The following UGT1A6 variants were observed in gnomAD, a reference collection of about 807,000 sequenced individuals.
UGT1A6 encodes the protein UDP-glucuronosyltransferase 1A6.
Under a neutral mutation model 44.4 loss-of-function variants are expected in UGT1A6, and 32 were observed. The ratio of observed to expected loss-of-function variants is 0.72; its 90% CI spans 0.54 to 0.97. UGT1A6 has a LOEUF of 0.97. UGT1A6 is among the 50% of genes least tolerant of loss of function. UGT1A6 has a pLI of 0.00. For synonymous variants in UGT1A6, 238 were observed against 248.5 expected, an observed-to-expected ratio of 0.96 and a Z score of 0.40; for missense variants, 685 against 661.9, an observed-to-expected ratio of 1.03 and a Z score of -0.38.
rs192958236 is a variant in UGT1A6 at position 233,736,101 on chromosome 2, G to A, written c.862-30933G>A. On this transcript the variant is annotated intron_variant, in intron 1 of 4. Transcript: ENST00000305139. ...GTTCTCCTGGATAATATCCTGAAGA[G>A]TGTTTTCCAACTTGTTTCCATTCTC... Among the ~76,000 whole-genome samples, 338 of 152,320 alleles carry A rather than the reference G, an allele frequency of 2.2e-3. 1 individual carries two copies. The highest frequency in any genetic ancestry group is 4.2e-3 in the Non-Finnish European group (288 of 68,040).
chr2:233,750,586 G>A (rs1377079508), intron 1 of UGT1A6: 2 of 151,926 alleles, frequency 1.3e-5, no homozygotes, highest in East Asian at 3.9e-4. Flanking sequence ...CAGGCCTGGA[G>A]GCCTAGGAAG....
chr2:233,766,617 A>C lies in UGT1A6; in HGVS notation c.862-417A>C, dbSNP rs34737611. Reference sequence around the variant, plus strand: ...CCAGGGACCACACCCTCTTCTACCCAGCACTTCCCTTCCCTACTTCCATAT... The same window carrying C: ...CCAGGGACCACACCCTCTTCTACCCCGCACTTCCCTTCCCTACTTCCATAT... On this transcript the variant is annotated intron_variant, in intron 1 of 4. Transcript: ENST00000305139. Among the ~76,000 whole-genome samples, 23 of 152,284 alleles carry C rather than the reference A, an allele frequency of 1.5e-4. No individual in the cohort carries two copies. In the East Asian group the frequency reaches 4.3e-3, roughly 28 times the overall value.
rs199688431 is a variant in UGT1A6 at position 233,719,254 on chromosome 2, C to T, written c.861+25389C>T. ...CTGATCAGGCACCTGAATGCTACTTCCTTTGATGTGGTTTTAACAGACCCC... is the reference window on the plus strand; with the variant it reads ...CTGATCAGGCACCTGAATGCTACTTTCTTTGATGTGGTTTTAACAGACCCC... On this transcript the variant is annotated intron_variant, in intron 1 of 4. Transcript: ENST00000305139. 4.6e-5 allele frequency: 75 copies of T among 1,614,048 alleles called. No homozygotes were observed. The Middle Eastern group carries it at 2.5e-3, about 53-fold the overall frequency.
intron 1 of UGT1A6, among the ~76,000 whole-genome samples, chr2:233,736,009 A>G (rs1243121159): frequency 6.6e-6 from 1 of 151,786 alleles, no homozygotes; most frequent in Non-Finnish European, 1.5e-5. Context: ...CTTCTCGAGG[A>G]GTATCTTTGT....
chr2:233,749,416 T>G (rs1694186669), intron 1 of UGT1A6, among the ~76,000 whole-genome samples: 1 of 151,944 alleles, frequency 6.6e-6, no homozygotes, highest in Non-Finnish European at 1.5e-5. Context: ...GTTAACTACA[T>G]TGCTCAAAAC....
At chr2:233,755,299 T>C (rs1695851428) in intron 1 of UGT1A6, 2 of 613,704 alleles carry the variant, frequency 3.3e-6, no homozygotes, top group South Asian at 1.7e-5. Flanking sequence ...TGCGGGGCAC[T>C]GGCACAGCGA....
chr2:233,748,002 G>C (rs1380342969), intron 1 of UGT1A6: 18 of 1,613,382 alleles, frequency 1.1e-5, no homozygotes, highest in Non-Finnish European at 1.4e-5. Flanking sequence ...CTTTGTGATG[G>C]ATTACCCCAG....
intron 1 of UGT1A6, among the ~76,000 whole-genome samples, chr2:233,730,472 G>T (rs2078038182): frequency 6.6e-6 from 1 of 152,162 alleles, no homozygotes; most frequent in South Asian, 2.1e-4. Context: ...GGAGACCTAG[G>T]CACTCACATG....
At chr2:233,721,036 A>G (rs1265033546) in intron 1 of UGT1A6, among the ~76,000 whole-genome samples, 1 of 152,110 alleles carries the variant, frequency 6.6e-6, no homozygotes, top group African/African-American at 2.4e-5. Context: ...TTGTGAGAGA[A>G]TTGAGCCCTT....
Position 233,773,101 on chromosome 2 carries a change from T to A in UGT1A6, c.*542T>A, listed in dbSNP as rs1321886255. On this transcript the variant is annotated 3_prime_UTR_variant, in exon 5 of 5. Coordinates refer to ENST00000305139, the MANE Select transcript of UGT1A6 (RefSeq NM_001072.4). ...GGCTTGGAGTGCACTGAGAACAGCA[T>A]ATGATTTCTTGCTTTGGGGAAAAAG... is the stretch of plus-strand genomic sequence containing the variant. The A allele has an allele frequency of 6.4e-6, 1 of 156,412 alleles. No homozygotes were observed. The highest frequency in any genetic ancestry group is 2.4e-5 in the African/African-American group (1 of 41,460). The allele number at this position is 156,412 out of a possible 1,614,324, so 9.7% of individuals were successfully genotyped here.
intron 1 of UGT1A6, among the ~76,000 whole-genome samples, chr2:233,697,712 T>C (rs1003078793): frequency 2.0e-5 from 3 of 152,126 alleles, no homozygotes; most frequent in East Asian, 1.9e-4. Flanking sequence ...CATTTATTGT[T>C]AAAAACTTCT....
rs146825304 is a variant in UGT1A6, at chr2:233,749,948, G to C, written c.862-17086G>C. On this transcript the variant is annotated intron_variant, in intron 1 of 4. Transcript: ENST00000305139. ...AAAGCTCTTTCCTTTATGAATTACC[G>C]AGTCTTGGGTATGTCTTTATAGCAG... 4.8e-3 allele frequency among the ~76,000 whole-genome samples: 734 copies of C among 151,926 alleles called. 7 individuals carry two copies. The highest frequency in any genetic ancestry group is 4.2e-3 in the Non-Finnish European group (283 of 68,018).
chr2:233,694,220 G>A (rs2075206036), intron 1 of UGT1A6, among the ~76,000 whole-genome samples: 1 of 152,028 alleles, frequency 6.6e-6, no homozygotes, highest in African/African-American at 2.4e-5. Context: ...TCCCAACTCT[G>A]TCCCATGCTT....
chr2:233,737,293 C>T (rs2078860261), intron 1 of UGT1A6, among the ~76,000 whole-genome samples: 1 of 152,250 alleles, frequency 6.6e-6, no homozygotes, highest in Non-Finnish European at 1.5e-5. Context: ...CAGGCTGCCG[C>T]CTCACAGTTC....
chr2:233,766,982 T>C (rs1699301954), intron 1 of UGT1A6, 52 bp from the exon 2 acceptor site: 9 of 1,612,798 alleles, frequency 5.6e-6, no homozygotes, highest in Non-Finnish European at 7.6e-6. Context: ...CTGTATGTAG[T>C]CATCAAAGAA....
At chr2:233,695,460 A>G (rs1364895717) in intron 1 of UGT1A6, among the ~76,000 whole-genome samples, 2 of 150,892 alleles carry the variant, frequency 1.3e-5, no homozygotes, top group African/African-American at 4.9e-5. Context: ...AACGTGCTTT[A>G]TTGGCCCTTT....
intron 1 of UGT1A6, among the ~76,000 whole-genome samples, chr2:233,700,723 A>T (rs1341178459): frequency 6.6e-6 from 1 of 151,984 alleles, no homozygotes; most frequent in African/African-American, 2.4e-5. Context: ...TTTTTTTAAA[A>T]ATTTTATTAT....
At chr2:233,760,488 C>T (rs2125984883) in intron 1 of UGT1A6, 1 of 1,614,254 alleles carries the variant, frequency 6.2e-7, no homozygotes, top group Non-Finnish European at 8.5e-7. Context: ...CCTCGTTGTA[C>T]ATCAGAGACG....
rs537699607 is a variant in UGT1A6, at chr2:233,703,598, C to T, written c.861+9733C>T. On this transcript the variant is annotated intron_variant, in intron 1 of 4. Coordinates refer to ENST00000305139, the MANE Select transcript of UGT1A6 (RefSeq NM_001072.4). ...GTCTATATTATCTTGCTTCATGATA[C>T]TGTGTCATTAAAAAAGTCTATTTTA... is the stretch of plus-strand genomic sequence containing the variant. Among the ~76,000 whole-genome samples the T allele has an allele frequency of 5.3e-5, 8 of 152,226 alleles. No individual in the cohort carries two copies. The East Asian group carries it at 1.5e-3, about 29-fold the overall frequency.
Sources: allele counts gnomAD v4.1 joint callset (sites outside exome capture counted in the v4.1 genomes callset), GRCh38; gene constraint gnomAD v4.1.1; transcripts MANE v1.5; gene names NCBI Gene and HGNC (gene_info 2026-07-23, HGNC 2026-07-21).